Variants in ADAMTS2 observed in about 807,000 individuals in gnomAD.
The protein encoded by ADAMTS2 is A disintegrin and metalloproteinase with thrombospondin motifs 2.
In ADAMTS2, 50 loss-of-function variants were observed where a neutral mutation model predicts 123.0. The ratio of observed to expected loss-of-function variants is 0.41; its 90% CI spans 0.32 to 0.51. ADAMTS2 has a LOEUF of 0.51. Ranked by LOEUF, ADAMTS2 falls within the 20% of genes least tolerant of loss-of-function variation. The pLI is 0.35. For synonymous variants in ADAMTS2, 678 were observed against 695.4 expected, an observed-to-expected ratio of 0.98 and a Z score of 0.39; for missense variants, 1,494 against 1,705.2, an observed-to-expected ratio of 0.88 and a Z score of 2.18.
chr5:179,132,453 C>G lies in ADAMTS2; in HGVS notation c.2210-143G>C. 1 of 911,644 alleles carries G rather than the reference C, an allele frequency of 1.1e-6. No homozygotes were observed. The highest frequency in any genetic ancestry group is 1.6e-5 in the African/African-American group (1 of 60,950). The allele number at this position is 911,644 out of a possible 1,614,324, so 56.5% of individuals were successfully genotyped here. A position where few individuals can be genotyped will look rare whatever the true frequency, so the allele number is the denominator to read the frequency against. ...CCTGGTATTTCTCTGGCTTTGAGGA[C>G]CCACCTGAGAGGGGCCACCAGGAAA... On this transcript the variant is annotated intron_variant, in intron 14 of 21. Coordinates refer to ENST00000251582, the MANE Select transcript of ADAMTS2 (RefSeq NM_014244.5). The surrounding 1 kb of genome is among the most constrained non-coding windows in gnomAD (Gnocchi z 6.1).
chr5:179,139,843 C>A, intron 11 of ADAMTS2, 47 bp downstream of exon 11: 1 of 1,609,248 alleles, frequency 6.2e-7, no homozygotes, highest in Non-Finnish European at 8.5e-7. Flanking sequence ...TCTCCTGGAC[C>A]CTCAGCTGCC....
At chr5:179,156,428 C>T (rs932917972) in intron 6 of ADAMTS2, among the ~76,000 whole-genome samples, 11 of 145,202 alleles carry the variant, frequency 7.6e-5, no homozygotes, top group South Asian at 2.2e-4. Flanking sequence ...GGTGTGATCT[C>T]GGCTCACTGC....
intron 7 of ADAMTS2, among the ~76,000 whole-genome samples, chr5:179,154,580 C>A (rs1763431693): frequency 6.6e-6 from 1 of 152,242 alleles, no homozygotes; most frequent in African/African-American, 2.4e-5. Flanking sequence ...CCAGCTCTAG[C>A]TGGCCCAGAG....
chr5:179,186,972 C>T (rs1275946329), intron 4 of ADAMTS2, among the ~76,000 whole-genome samples: 2 of 152,128 alleles, frequency 1.3e-5, no homozygotes, highest in Non-Finnish European at 2.9e-5. Flanking sequence ...CCTCGCCTGG[C>T]ATTCGGAGCC....
At chr5:179,208,818 G>A (rs149929706) in intron 3 of ADAMTS2, among the ~76,000 whole-genome samples, 176 of 152,272 alleles carry the variant, frequency 1.2e-3, no homozygotes, top group South Asian at 0.011. Context: ...GGTCTCCATG[G>A]CATTCCCCAG....
intron 8 of ADAMTS2, 120 bp downstream of exon 8, chr5:179,153,929 C>A: frequency 7.2e-7 from 1 of 1,390,412 alleles, no homozygotes; most frequent in Non-Finnish European, 9.8e-7. Flanking sequence ...CTCCCCCGCA[C>A]ACAAGCTTAG....
chr5:179,187,504 A>G (rs1244348601), intron 4 of ADAMTS2, among the ~76,000 whole-genome samples: 1 of 152,190 alleles, frequency 6.6e-6, no homozygotes, highest in Non-Finnish European at 1.5e-5. Flanking sequence ...CACTTTGAAG[A>G]TATGGAATAA....
chr5:179,290,568 G>A (rs548788086), intron 2 of ADAMTS2, among the ~76,000 whole-genome samples: 5 of 152,206 alleles, frequency 3.3e-5, no homozygotes, highest in Admixed American at 6.5e-5. Context: ...GGAGGAAGCT[G>A]GGTGAAGGGC....
intron 13 of ADAMTS2, among the ~76,000 whole-genome samples, chr5:179,134,789 G>A (rs1260088369): frequency 7.9e-5 from 3 of 38,176 alleles, no homozygotes; most frequent in African/African-American, 1.2e-4. Flanking sequence ...CCCAGCTCCC[G>A]GCTCCAGCCC....
intron 17 of ADAMTS2, among the ~76,000 whole-genome samples, 163 bp downstream of exon 17, chr5:179,127,795 AC>A (rs1762884468): frequency 7.6e-6 from 1 of 132,430 alleles, no homozygotes; most frequent in South Asian, 2.3e-4. Context: ...CTTCCTGCCC[AC>A]CCACCGGCCC....
At chr5:179,207,441 G>A (rs1176358481) in intron 4 of ADAMTS2, 72 bp downstream of exon 4, 9 of 1,515,428 alleles carry the variant, frequency 5.9e-6, no homozygotes, top group Non-Finnish European at 8.2e-6. Context: ...GGCCCAGCTG[G>A]GCCTCTCTGG....
At chr5:179,186,949 G>A (rs1209202481) in intron 4 of ADAMTS2, among the ~76,000 whole-genome samples, 1 of 151,522 alleles carries the variant, frequency 6.6e-6, no homozygotes, top group Non-Finnish European at 1.5e-5. Flanking sequence ...GCCTTCGGAA[G>A]CAGGGCCCAG....
intron 11 of ADAMTS2, among the ~76,000 whole-genome samples, chr5:179,138,667 C>T (rs1384612667): frequency 6.6e-6 from 1 of 152,232 alleles, no homozygotes; most frequent in Non-Finnish European, 1.5e-5. Context: ...GGAGGGCAGC[C>T]TGGAGCCTGG....
At chr5:179,267,368 G>A (rs1006574780) in intron 3 of ADAMTS2, among the ~76,000 whole-genome samples, 6 of 152,246 alleles carry the variant, frequency 3.9e-5, no homozygotes, top group Non-Finnish European at 7.3e-5. Context: ...GGCTCCCGTG[G>A]TGGCGTGCCT....
At chr5:179,239,216 G>T (rs150291338) in intron 3 of ADAMTS2, among the ~76,000 whole-genome samples, 138 of 152,292 alleles carry the variant, frequency 9.1e-4, no homozygotes, top group African/African-American at 3.2e-3. Context: ...GAGGACAAAG[G>T]CTTGACGCAA....
chr5:179,167,457 G>T (rs552971456), intron 5 of ADAMTS2, among the ~76,000 whole-genome samples: 1 of 152,324 alleles, frequency 6.6e-6, no homozygotes, highest in East Asian at 1.9e-4. Flanking sequence ...GTTGCTCTCC[G>T]ACATTTCCAT....
rs746405628 is a variant in ADAMTS2 at position 179,181,107 on chromosome 5, C to T, written c.940G>A (p.Val314Ile). Residue 314 changes from valine (V) to isoleucine (I), a missense_variant, in exon 5 of 22, where the codon GTC (valine) becomes ATC (isoleucine). Physicochemically the swap from Val to Ile is conservative, Grantham distance 29 (BLOSUM62 3). Transcript: ENST00000251582. This position sits in a 1 kb window ranked among gnomAD's most constrained non-coding sequence, Gnocchi z 4.1. ...CTCAGGAGGATGATCCGCACCAGGACCACGTTGATGTGGGCACCCAAGGAC... is the reference window on the plus strand; with the variant it reads ...CTCAGGAGGATGATCCGCACCAGGATCACGTTGATGTGGGCACCCAAGGAC... ...DESLGAHINVVLVRIILLSYG... is the reference protein window; with the variant it reads ...DESLGAHINVILVRIILLSYG... 2 of 1,613,992 alleles carry T rather than the reference C, an allele frequency of 1.2e-6. No individual in the cohort carries two copies. Among genetic ancestry groups the T allele is most frequent in the South Asian group, 2.2e-5 (2 of 91,068 alleles).
intron 3 of ADAMTS2, among the ~76,000 whole-genome samples, chr5:179,217,794 A>AGACAGGCACACTCGCTAGGAGATGGTGTG: frequency 1.1e-5 from 1 of 91,284 alleles, no homozygotes; most frequent in African/African-American, 3.8e-5. Flanking sequence ...GGGATGGCGC[A>AGACAGGCACACTCGCTAGGAGATGGTGTG]AGGGGGGGAT....
chr5:179,198,220 A>T (rs1409241207), intron 4 of ADAMTS2, among the ~76,000 whole-genome samples: 1 of 152,184 alleles, frequency 6.6e-6, no homozygotes, highest in East Asian at 1.9e-4. Flanking sequence ...CGCAAGGTGG[A>T]GGCTGCAGGC....
Sources: gnomAD v4.1 joint callset for allele counts (sites outside exome capture counted in the v4.1 genomes callset) on GRCh38, gnomAD v4.1.1 for gene constraint, Gnocchi (gnomAD v3.1) non-coding constraint, MANE v1.5 for transcripts, NCBI Gene and HGNC (gene_info 2026-07-23, HGNC 2026-07-21) for gene names.